Variants in EPB41L4A observed in about 807,000 individuals in gnomAD.
The protein encoded by EPB41L4A is band 4.1-like protein 4A.
In EPB41L4A, 100 loss-of-function variants were observed where a neutral mutation model predicts 108.6. The observed-to-expected ratio is 0.92, with a 90% CI of 0.78 to 1.09. EPB41L4A has a LOEUF of 1.09. Among genes scored for constraint, EPB41L4A ranks in the 50% least tolerant of loss-of-function variants. EPB41L4A has a pLI of 0.00. For synonymous variants in EPB41L4A, 319 were observed against 289.0 expected, an observed-to-expected ratio of 1.10 and a Z score of -1.05; for missense variants, 1,030 against 842.7, an observed-to-expected ratio of 1.22 and a Z score of -2.75.
At chr5:112,268,357 G>C (rs1296512493) in intron 4 of EPB41L4A, among the ~76,000 whole-genome samples, 1 of 151,528 alleles carries the variant, frequency 6.6e-6, no homozygotes, top group Non-Finnish European at 1.5e-5. Context: ...CAGCCTGGGT[G>C]ACAGAGCAAG....
At chr5:112,298,953 T>C (rs989960248) in intron 2 of EPB41L4A, among the ~76,000 whole-genome samples, 1 of 152,238 alleles carries the variant, frequency 6.6e-6, no homozygotes, top group African/African-American at 2.4e-5. Flanking sequence ...CATAGTAGCC[T>C]TGAATGATCT....
intron 12 of EPB41L4A, among the ~76,000 whole-genome samples, chr5:112,221,697 A>G (rs888175575): frequency 6.6e-6 from 1 of 152,242 alleles, no homozygotes; most frequent in Non-Finnish European, 1.5e-5. Context: ...TCTTATGCCA[A>G]AGAGGTGCCC....
intron 1 of EPB41L4A, among the ~76,000 whole-genome samples, chr5:112,360,163 C>T (rs424998): frequency 0.67 from 101,320 of 152,048 alleles, 33,938 homozygotes; most frequent in South Asian, 0.82. Context: ...CCATAGCTCA[C>T]GCCTGTCCCA....
chr5:112,270,455 A>G (rs531875923), intron 4 of EPB41L4A, among the ~76,000 whole-genome samples: 2 of 150,582 alleles, frequency 1.3e-5, no homozygotes, highest in South Asian at 2.1e-4. Flanking sequence ...CATTTAAATC[A>G]TAACATGATA....
chr5:112,211,524 G>T (rs1489018515), intron 12 of EPB41L4A, among the ~76,000 whole-genome samples: 3 of 151,120 alleles, frequency 2.0e-5, no homozygotes, highest in Non-Finnish European at 2.9e-5. Flanking sequence ...GGAGGTGGAG[G>T]TTGTAGTGAG....
In EPB41L4A at chr5:112,381,795, G is replaced by GT. The variant is rs529383110; in HGVS notation, c.99+37145dup. Among the ~76,000 whole-genome samples the GT allele has an allele frequency of 7.9e-5, 12 of 152,326 alleles. No homozygotes were observed. In the South Asian group the frequency reaches 2.5e-3, roughly 32 times the overall value. On this transcript the variant is annotated intron_variant, in intron 1 of 22. Coordinates refer to ENST00000261486, the MANE Select transcript of EPB41L4A (RefSeq NM_022140.5). The stretch of plus-strand genomic sequence containing the variant: ...ACTTTCTGAACTCTCCCCTGTCTTC[G>GT]TAAGAATCAAAGTCCCACAGCCTTC...
At chr5:112,327,115 G>A (rs529504426) in intron 1 of EPB41L4A, among the ~76,000 whole-genome samples, 1 of 152,272 alleles carries the variant, frequency 6.6e-6, no homozygotes, top group African/African-American at 2.4e-5. Context: ...TGAGCGAGTT[G>A]CAAAAGCCAA....
intron 1 of EPB41L4A, among the ~76,000 whole-genome samples, chr5:112,337,214 T>C (rs1476891376): frequency 6.6e-6 from 1 of 152,196 alleles, no homozygotes; most frequent in Non-Finnish European, 1.5e-5. Context: ...ATGAGATATC[T>C]AGCTACATAT....
At chr5:112,365,933 G>T (rs1372131308) in intron 1 of EPB41L4A, among the ~76,000 whole-genome samples, 1 of 152,158 alleles carries the variant, frequency 6.6e-6, no homozygotes, top group East Asian at 1.9e-4. Flanking sequence ...AAAGTACAAG[G>T]TAAGAATGTT....
intron 12 of EPB41L4A, among the ~76,000 whole-genome samples, chr5:112,153,490 C>T (rs772357257): frequency 2.3e-4 from 34 of 149,966 alleles, no homozygotes; most frequent in Non-Finnish European, 4.6e-4. Flanking sequence ...GATAGCGCCA[C>T]TGCACTCCAG....
intron 2 of EPB41L4A, among the ~76,000 whole-genome samples, chr5:112,283,118 A>G (rs1753070268): frequency 1.3e-5 from 2 of 152,196 alleles, no homozygotes; most frequent in African/African-American, 4.8e-5. Context: ...AAAAAAGTAA[A>G]ATAACAGTTT....
chr5:112,280,215 T>A, intron 3 of EPB41L4A, 57 bp downstream of exon 3: 2 of 1,477,394 alleles, frequency 1.4e-6, no homozygotes, highest in Non-Finnish European at 1.9e-6. Context: ...CAACTAATCA[T>A]GGACTTTGTC....
At chr5:112,331,024 T>G (rs1182566875) in intron 1 of EPB41L4A, among the ~76,000 whole-genome samples, 1 of 152,160 alleles carries the variant, frequency 6.6e-6, no homozygotes, top group Non-Finnish European at 1.5e-5. Context: ...GTGAAGGAGC[T>G]ACCTTTCTCT....
At chr5:112,198,702 G>A (rs114254371) in intron 15 of EPB41L4A, among the ~76,000 whole-genome samples, 11 of 151,808 alleles carry the variant, frequency 7.2e-5, no homozygotes, top group Admixed American at 3.3e-4. Flanking sequence ...TTTTGGTTCC[G>A]TTTTGGAGAA....
At chr5:112,171,057 C>T in intron 18 of EPB41L4A, 65 bp from the exon 19 acceptor site, 2 of 1,379,152 alleles carry the variant, frequency 1.5e-6, no homozygotes, top group Non-Finnish European at 2.1e-6. Context: ...TAATAACTAA[C>T]TTTAATAGTT....
At chr5:112,310,222 TCTGA>T (rs1206488659) in intron 1 of EPB41L4A, among the ~76,000 whole-genome samples, 1 of 152,360 alleles carries the variant, frequency 6.6e-6, no homozygotes, top group East Asian at 1.9e-4. Flanking sequence ...TGTTATACTT[TCTGA>T]CTGTCTATTG....
chr5:112,247,291 A>C (rs1750311511), intron 9 of EPB41L4A, among the ~76,000 whole-genome samples: 1 of 152,190 alleles, frequency 6.6e-6, no homozygotes, highest in Admixed American at 6.5e-5. Flanking sequence ...ATTATTCCAA[A>C]ATAGAATGTA....
chr5:112,359,759 C>A (rs952448926), intron 1 of EPB41L4A, among the ~76,000 whole-genome samples: 2 of 152,164 alleles, frequency 1.3e-5, no homozygotes, highest in African/African-American at 4.8e-5. Flanking sequence ...CCAGGATGGT[C>A]TCCATCTCCT....
At chr5:112,302,931 C>T (rs527519637) in intron 2 of EPB41L4A, among the ~76,000 whole-genome samples, 17 of 152,266 alleles carry the variant, frequency 1.1e-4, no homozygotes, top group Admixed American at 9.8e-4. Flanking sequence ...AGATACCCTT[C>T]ATGTGTTGTT....
Sources: allele counts gnomAD v4.1 joint callset (sites outside exome capture counted in the v4.1 genomes callset), GRCh38; gene constraint gnomAD v4.1.1; transcripts MANE v1.5; gene names NCBI Gene and HGNC (gene_info 2026-07-23, HGNC 2026-07-21).